SDC2: variants seen among roughly 807,000 people sequenced by gnomAD.
SDC2 encodes the protein syndecan-2.
SDC2 carries 13 observed loss-of-function variants against 22.2 expected under a neutral mutation model. The observed-to-expected ratio is 0.59, with a 90% CI of 0.38 to 0.93. The LOEUF is 0.93. SDC2 is among the 40% of genes least tolerant of loss of function. The pLI, the probability that SDC2 is intolerant of heterozygous loss-of-function variation, is 0.00. For synonymous variants in SDC2, 94 were observed against 92.8 expected (o/e 1.01, Z -0.07); for missense variants, 235 against 246.8 (o/e 0.95, Z 0.32).
In SDC2 at chr8:96,503,703, T is replaced by C. The variant is rs530252792; in HGVS notation, c.60+9372T>C. 2.0e-5 allele frequency among the ~76,000 whole-genome samples: 3 copies of C among 152,362 alleles called. No homozygotes were observed. The South Asian group carries it at 6.2e-4, about 32-fold the overall frequency. On this transcript the variant is annotated intron_variant, in intron 1 of 4. Transcript: ENST00000302190. ...GAGATCTTTGTATTATTTCTTACAC[T>C]GTGTGTGAGTCTATAGTTATCTCAA...
intron 1 of SDC2, among the ~76,000 whole-genome samples, chr8:96,589,689 G>C (rs560727795): frequency 1.6e-4 from 25 of 152,374 alleles, no homozygotes; most frequent in Admixed American, 4.6e-4. Flanking sequence ...GGGATTACAG[G>C]CGTGAGCCAC....
intron 1 of SDC2, among the ~76,000 whole-genome samples, chr8:96,535,005 A>G (rs2130496017): frequency 6.9e-6 from 1 of 145,922 alleles, no homozygotes; most frequent in Admixed American, 6.6e-5. Context: ...AATGCCAAAC[A>G]ATTTTTTTTT....
intron 1 of SDC2, among the ~76,000 whole-genome samples, chr8:96,499,958 G>T (rs1222219708): frequency 6.6e-6 from 1 of 152,174 alleles, no homozygotes; most frequent in Non-Finnish European, 1.5e-5. Flanking sequence ...CTGAAGTGCA[G>T]ATACCCGTGG....
At chr8:96,555,243 A>T (rs937694422) in intron 1 of SDC2, among the ~76,000 whole-genome samples, 2 of 152,018 alleles carry the variant, frequency 1.3e-5, no homozygotes, top group Non-Finnish European at 2.9e-5. Flanking sequence ...AGGTGGATGG[A>T]TGGATGGATG....
At position 96,610,589 on chromosome 8, in the gene SDC2, T is replaced by A. The variant is rs993989588; in HGVS notation, c.*1041T>A. The stretch of plus-strand genomic sequence containing the variant: ...TGTAGTCTTATGAATAGACATAAAT[T>A]GTAATTTGGGAACATAAAAACTACT... On this transcript the variant is annotated 3_prime_UTR_variant, in exon 5 of 5. Coordinates refer to ENST00000302190, the MANE Select transcript of SDC2 (RefSeq NM_002998.4). The A allele has an allele frequency of 4.6e-5, 7 of 152,638 alleles. No individual in the cohort carries two copies. The highest frequency in any genetic ancestry group is 4.6e-4 in the Admixed American group (7 of 15,276). 9.5% of individuals were successfully genotyped at this position (152,638 alleles called of 1,614,324 possible).
At chr8:96,572,407 G>A (rs1196090845) in intron 1 of SDC2, among the ~76,000 whole-genome samples, 1 of 152,120 alleles carries the variant, frequency 6.6e-6, no homozygotes, top group African/African-American at 2.4e-5. Flanking sequence ...TTGTGGAGGA[G>A]TTCTGTGCCA....
chr8:96,517,643 A>T (rs991391915), intron 1 of SDC2, among the ~76,000 whole-genome samples: 9 of 152,100 alleles, frequency 5.9e-5, no homozygotes, highest in African/African-American at 1.9e-4. Context: ...TTGACCATAA[A>T]TGTAGGGGTT....
chr8:96,576,384 G>GT (rs1236267155), intron 1 of SDC2, among the ~76,000 whole-genome samples: 738 of 50,992 alleles, frequency 0.014, 85 homozygotes, highest in Non-Finnish European at 0.02. Flanking sequence ...GTTTTGTTTT[G>GT]TTTTTTTTTA....
chr8:96,544,169 T>C (rs546407873), intron 1 of SDC2, among the ~76,000 whole-genome samples: 31 of 152,304 alleles, frequency 2.0e-4, no homozygotes, highest in African/African-American at 7.2e-4. Context: ...TGTCCTACAG[T>C]ATTCCTTGTT....
chr8:96,571,950 T>G (rs1814402415), intron 1 of SDC2, among the ~76,000 whole-genome samples: 1 of 152,160 alleles, frequency 6.6e-6, no homozygotes, highest in African/African-American at 2.4e-5. Context: ...GGAAAGGTCT[T>G]GGCTCAGGAC....
At position 96,611,646 on chromosome 8, in the gene SDC2, A is replaced by C. The variant is rs1277332174; in HGVS notation, c.*2098A>C. ...TGCAAAGCAGAGTGAAATTCAATTC[A>C]TAGAATAACAACTGCTGGGAATATC... On this transcript the variant is annotated 3_prime_UTR_variant, in exon 5 of 5. Transcript: ENST00000302190. 1 of 152,676 alleles carries C rather than the reference A, an allele frequency of 6.5e-6. No homozygotes were observed. Among genetic ancestry groups the C allele is most frequent in the Non-Finnish European group, 1.5e-5 (1 of 68,052 alleles). 9.5% of individuals were successfully genotyped at this position (152,676 alleles called of 1,614,324 possible). A position where few individuals can be genotyped will look rare whatever the true frequency, so the allele number is the denominator to read the frequency against.
At chr8:96,556,690 G>A (rs552305510) in intron 1 of SDC2, among the ~76,000 whole-genome samples, 1 of 151,942 alleles carries the variant, frequency 6.6e-6, no homozygotes, top group East Asian at 1.9e-4. Flanking sequence ...AACCTAGGCA[G>A]TACCATTGAG....
chr8:96,587,786 G>A (rs1814710805), intron 1 of SDC2, among the ~76,000 whole-genome samples: 1 of 152,138 alleles, frequency 6.6e-6, no homozygotes, highest in Non-Finnish European at 1.5e-5. Flanking sequence ...ATTAAGCCAA[G>A]TTCAACACAG....
chr8:96,564,152 T>C (rs1024058098), intron 1 of SDC2, among the ~76,000 whole-genome samples: 2 of 152,188 alleles, frequency 1.3e-5, no homozygotes, highest in Non-Finnish European at 2.9e-5. Context: ...GGTTTTGCAT[T>C]TTAGTGTTAT....
At chr8:96,591,278 A>G (rs1814776709) in intron 1 of SDC2, among the ~76,000 whole-genome samples, 1 of 152,228 alleles carries the variant, frequency 6.6e-6, no homozygotes, top group African/African-American at 2.4e-5. Flanking sequence ...TGGAAAGGGA[A>G]TATTTTGCTT....
At chr8:96,593,359 G>A (rs1232021447) in intron 1 of SDC2, 121 bp from the exon 2 acceptor site, 1 of 647,868 alleles carries the variant, frequency 1.5e-6, no homozygotes, top group South Asian at 1.9e-5. Context: ...CCAGAGATGT[G>A]GATTCAGACT....
chr8:96,575,979 G>A (rs1014175702), intron 1 of SDC2, among the ~76,000 whole-genome samples: 3 of 152,000 alleles, frequency 2.0e-5, no homozygotes, highest in East Asian at 3.8e-4. Context: ...CCCCCTTACC[G>A]TTGTCAAAGA....
Position 96,593,559 on chromosome 8 carries a change from A to G in SDC2, c.140A>G (p.Asp47Gly), listed in dbSNP as rs781271319. Residue 47 changes from aspartate to glycine, a missense_variant, in exon 2 of 5, where the codon GAT (aspartate) becomes GGT (glycine). Coordinates refer to ENST00000302190, the MANE Select transcript of SDC2 (RefSeq NM_002998.4). ...IEEASGVYPI[D>G]DDDYASASGS... ...GAAGCTTCAGGAGTGTATCCTATTGATGACGATGACTACGCTTCTGCGTCT... is the reference window on the plus strand; with the variant it reads ...GAAGCTTCAGGAGTGTATCCTATTGGTGACGATGACTACGCTTCTGCGTCT... 1 of 1,613,850 alleles carries G rather than the reference A, an allele frequency of 6.2e-7. No homozygotes were observed. The highest frequency in any genetic ancestry group is 1.1e-5 in the South Asian group (1 of 91,080).
intron 1 of SDC2, among the ~76,000 whole-genome samples, chr8:96,582,114 T>C (rs111882025): frequency 6.6e-6 from 1 of 152,368 alleles, no homozygotes; most frequent in Non-Finnish European, 1.5e-5. Context: ...ATGGATTTCA[T>C]AATGGGCTCT....
Sources: gnomAD v4.1 joint callset for allele counts (sites outside exome capture counted in the v4.1 genomes callset) on GRCh38, gnomAD v4.1.1 for gene constraint, MANE v1.5 for transcripts, NCBI Gene and HGNC (gene_info 2026-07-23, HGNC 2026-07-21) for gene names.